The following FRK variants were observed in gnomAD, a reference collection of about 807,000 sequenced individuals.
FRK encodes the protein tyrosine-protein kinase FRK.
In FRK, 51 loss-of-function variants were observed where a neutral mutation model predicts 56.4. That is an observed-to-expected ratio of 0.90 (90% CI 0.72 to 1.14). FRK has a LOEUF of 1.14. Among genes scored for constraint, FRK ranks in the 50% most tolerant of loss-of-function variants. The pLI is 0.00. For synonymous variants in FRK, 245 were observed against 217.9 expected, an observed-to-expected ratio of 1.12 and a Z score of -1.10; for missense variants, 570 against 601.4, an observed-to-expected ratio of 0.95 and a Z score of 0.55.
At chr6:115,989,284 C>T (rs1463373294) in intron 2 of FRK, among the ~76,000 whole-genome samples, 1 of 151,686 alleles carries the variant, frequency 6.6e-6, no homozygotes, top group Non-Finnish European at 1.5e-5. Context: ...ATTTCCAATT[C>T]TTTTATTTAT....
the FRK span, among the ~76,000 whole-genome samples, chr6:116,098,135 A>T: frequency 1.2e-4 from 14 of 116,464 alleles, no homozygotes; most frequent in East Asian, 3.8e-3. Flanking sequence ...TTTAAAAGAC[A>T]GGGTCTCTCT....
chr6:116,060,132 G>A lies in FRK; in HGVS notation c.180C>T (p.Asp60=). ...GTTTGTCACCTGCTCGGAAGCTCAAGTCCTCAGCAGTCCGAGCCTGGTAAT... is the reference window on the plus strand; with the variant it reads ...GTTTGTCACCTGCTCGGAAGCTCAAATCCTCAGCAGTCCGAGCCTGGTAAT... ...LFDYQARTAE[D]LSFRAGDKLQ... Residue 60 remains aspartate (D), a synonymous_variant, in exon 1 of 8, where the codon GAC becomes GAT. Transcript: ENST00000606080. 6.2e-7 allele frequency: 1 copy of A among 1,614,156 alleles called. No individual in the cohort carries two copies. Among genetic ancestry groups the A allele is most frequent in the Non-Finnish European group, 8.5e-7 (1 of 1,180,040 alleles).
At chr6:116,016,340 G>A (rs868943) in intron 1 of FRK, among the ~76,000 whole-genome samples, 58,956 of 151,984 alleles carry the variant, frequency 0.39, 11,823 homozygotes, top group Middle Eastern at 0.5. Context: ...TTATTTGAAT[G>A]TTCCTAGCAT....
rs1308845463 is a variant in FRK, at chr6:115,933,076, G to A, written c.*9338C>T. 6.6e-6 allele frequency: 1 copy of A among 151,746 alleles called. No individual in the cohort carries two copies. The highest frequency in any genetic ancestry group is 6.6e-5 in the Admixed American group (1 of 15,246). 9.4% of individuals were successfully genotyped at this position (151,746 alleles called of 1,614,324 possible). ...TACCCTGTGCCTCTTTTGACCTTAGGTAACTTAAATCTATTCCCTTATTTC... is the reference window on the plus strand; with the variant it reads ...TACCCTGTGCCTCTTTTGACCTTAGATAACTTAAATCTATTCCCTTATTTC... On this transcript the variant is annotated 3_prime_UTR_variant, in exon 8 of 8. Coordinates refer to ENST00000606080, the MANE Select transcript of FRK (RefSeq NM_002031.3).
intron 1 of FRK, among the ~76,000 whole-genome samples, chr6:116,053,044 C>T (rs79604852): frequency 0.059 from 9,033 of 152,016 alleles, 398 homozygotes; most frequent in Admixed American, 0.14. Flanking sequence ...GAAACTGAGG[C>T]AGAGGGGTCA....
chr6:116,050,497 A>T (rs1169359941), intron 1 of FRK, among the ~76,000 whole-genome samples: 1 of 152,166 alleles, frequency 6.6e-6, no homozygotes, highest in Non-Finnish European at 1.5e-5. Flanking sequence ...CCCCAAAGTC[A>T]CATCCCTAGA....
intron 1 of FRK, among the ~76,000 whole-genome samples, chr6:116,012,122 A>G (rs886981114): frequency 6.6e-6 from 1 of 152,172 alleles, no homozygotes; most frequent in African/African-American, 2.4e-5. Flanking sequence ...TTAACAATTT[A>G]TATTTACTGA....
chr6:115,980,276 T>C (rs533578507), intron 2 of FRK, among the ~76,000 whole-genome samples: 2 of 152,258 alleles, frequency 1.3e-5, no homozygotes, highest in South Asian at 4.2e-4. Flanking sequence ...TGTTAAATTG[T>C]AGCAAATCTG....
intron 1 of FRK, among the ~76,000 whole-genome samples, chr6:116,008,441 T>C (rs557487277): frequency 1.3e-5 from 2 of 152,330 alleles, no homozygotes; most frequent in African/African-American, 4.8e-5. Flanking sequence ...TGAGCTCTGA[T>C]CAGGAAGTGA....
At chr6:116,007,112 A>G (rs1775273812) in intron 1 of FRK, among the ~76,000 whole-genome samples, 1 of 152,222 alleles carries the variant, frequency 6.6e-6, no homozygotes, top group South Asian at 2.1e-4. Flanking sequence ...AATCAACTCA[A>G]TGCATTTTCC....
At chr6:116,012,799 C>T (rs554336101) in intron 1 of FRK, among the ~76,000 whole-genome samples, 70 of 152,300 alleles carry the variant, frequency 4.6e-4, no homozygotes, top group Admixed American at 1.7e-3. Context: ...GGCTTATCTG[C>T]TATGGACCAG....
rs560089611 is a variant in FRK at position 115,967,660 on chromosome 6, G to A, written c.690C>T (p.Asp230=). 1.3e-4 allele frequency: 210 copies of A among 1,613,372 alleles called. 1 individual carries two copies. In the Middle Eastern group the frequency reaches 2.0e-3, roughly 15 times the overall value. ...SYKTVDQWEI[D]RNSIQLLKRL... is the part of the protein sequence containing the mutation. ...GCTTCAGAAGCTGTATGGAGTTGCG[G>A]TCTATCTCCCATTGGTCCACGGTTT... The change falls in exon 4 of 8, where the codon GAC becomes GAT. Residue 230 remains aspartate, a synonymous_variant. Coordinates refer to ENST00000606080, the MANE Select transcript of FRK (RefSeq NM_002031.3).
chr6:115,958,648 GAAA>G, intron 4 of FRK, among the ~76,000 whole-genome samples: 1 of 1,812 alleles, frequency 5.5e-4, no homozygotes, highest in African/African-American at 2.0e-3. Flanking sequence ...AGAAAGAAAA[GAAA>G]GAAAGAAAGA....
intron 5 of FRK, among the ~76,000 whole-genome samples, chr6:115,955,343 C>A (rs993716546): frequency 2.0e-5 from 3 of 151,956 alleles, no homozygotes; most frequent in Non-Finnish European, 4.4e-5. Context: ...GGGGAATAGG[C>A]CATTAGATGT....
chr6:115,995,592 GACAA>G (rs1200676007), intron 2 of FRK, among the ~76,000 whole-genome samples: 1 of 151,896 alleles, frequency 6.6e-6, no homozygotes, highest in Non-Finnish European at 1.5e-5. Flanking sequence ...GGGGTTCACA[GACAA>G]ACAAAAGAGG....
At chr6:115,997,509 T>C (rs911469371) in intron 2 of FRK, among the ~76,000 whole-genome samples, 1 of 152,058 alleles carries the variant, frequency 6.6e-6, no homozygotes, top group Admixed American at 6.6e-5. Context: ...CTGAGATTAT[T>C]TCCCTTGGTT....
In FRK at chr6:115,941,367, C is replaced by T. The variant is rs1336521291; in HGVS notation, c.*1047G>A. ...AGGGGATGGAGGGCTAGGGGAGGAA[C>T]AGCACTAGGAGAAATGCCTAATGTA... On this transcript the variant is annotated 3_prime_UTR_variant, in exon 8 of 8. Transcript: ENST00000606080. 6.6e-6 allele frequency: 1 copy of T among 152,010 alleles called. No individual in the cohort carries two copies. The highest frequency in any genetic ancestry group is 1.5e-5 in the Non-Finnish European group (1 of 68,010). 9.4% of individuals were successfully genotyped at this position (152,010 alleles called of 1,614,324 possible). A position where few individuals can be genotyped will look rare whatever the true frequency, so the allele number is the denominator to read the frequency against.
intron 1 of FRK, among the ~76,000 whole-genome samples, chr6:116,011,538 A>G (rs1775468354): frequency 6.6e-6 from 1 of 151,944 alleles, no homozygotes; most frequent in Non-Finnish European, 1.5e-5. Context: ...TGGCCTAACC[A>G]GTCATAGGGA....
At chr6:115,971,760 T>C (rs755704299) in intron 2 of FRK, among the ~76,000 whole-genome samples, 12 of 152,206 alleles carry the variant, frequency 7.9e-5, no homozygotes, top group Non-Finnish European at 1.6e-4. Flanking sequence ...ATGTCGAATC[T>C]TCTCTCCTTC....
Sources: allele counts gnomAD v4.1 joint callset (sites outside exome capture counted in the v4.1 genomes callset), GRCh38; gene constraint gnomAD v4.1.1; transcripts MANE v1.5; gene names NCBI Gene and HGNC (gene_info 2026-07-23, HGNC 2026-07-21).